Variants in PLA2G4E observed in about 807,000 individuals in gnomAD.
The protein encoded by PLA2G4E is cytosolic phospholipase A2 epsilon.
Under a neutral mutation model 109.1 loss-of-function variants are expected in PLA2G4E, and 84 were observed. The observed-to-expected ratio is 0.77, with a 90% CI of 0.65 to 0.92. PLA2G4E has a LOEUF of 0.92. Among genes scored for constraint, PLA2G4E ranks in the 40% least tolerant of loss-of-function variants. The pLI, the probability that PLA2G4E is intolerant of heterozygous loss-of-function variation, is 0.00. For missense variants in PLA2G4E, 1,057 were observed against 1,076.6 expected, an observed-to-expected ratio of 0.98 and a Z score of 0.25; for synonymous variants, 469 against 436.1, an observed-to-expected ratio of 1.08 and a Z score of -0.94.
intron 1 of PLA2G4E, among the ~76,000 whole-genome samples, chr15:42,045,465 C>T (rs938130603): frequency 6.6e-6 from 1 of 152,164 alleles, no homozygotes; most frequent in Non-Finnish European, 1.5e-5. Flanking sequence ...CAGGCAGCAC[C>T]GGCACTCCAC....
intron 15 of PLA2G4E, among the ~76,000 whole-genome samples, chr15:41,989,209 T>C (rs1410903639): frequency 1.3e-5 from 2 of 152,140 alleles, no homozygotes; most frequent in African/African-American, 4.8e-5. Context: ...CCCAGTGTGG[T>C]GCTGAGCAGG....
At chr15:42,006,574 T>A (rs1197149792) in intron 3 of PLA2G4E, among the ~76,000 whole-genome samples, 1 of 151,974 alleles carries the variant, frequency 6.6e-6, no homozygotes, top group Non-Finnish European at 1.5e-5. Flanking sequence ...CTCCAGGGAG[T>A]GATGTGGCAA....
rs576742322 is a variant in PLA2G4E, at chr15:41,987,965, G to A, written c.1831+84C>T. 9.3e-4 allele frequency: 696 copies of A among 747,384 alleles called. 3 individuals are homozygous for A. The African/African-American group carries it at 0.011, about 12-fold the overall frequency. 46.3% of individuals were successfully genotyped at this position (747,384 alleles called of 1,614,324 possible). A position where few individuals can be genotyped will look rare whatever the true frequency, so the allele number is the denominator to read the frequency against. Reference sequence around the variant, plus strand: ...CATCACCCAGCCATGAGGGAAAGCCGGGGGCCGCCCCCCATCACCCAGCCA... The same window carrying A: ...CATCACCCAGCCATGAGGGAAAGCCAGGGGCCGCCCCCCATCACCCAGCCA... On this transcript the variant is annotated intron_variant, in intron 16 of 19. Coordinates refer to ENST00000399518, the Ensembl canonical transcript of PLA2G4E.
At chr15:42,036,876 G>A (rs895802844) in intron 1 of PLA2G4E, among the ~76,000 whole-genome samples, 4 of 152,274 alleles carry the variant, frequency 2.6e-5, no homozygotes, top group Middle Eastern at 3.4e-3. Context: ...CCGACCCCCC[G>A]GCCTTGCAGG....
At chr15:41,991,688 G>A (rs560509268) in intron 13 of PLA2G4E, among the ~76,000 whole-genome samples, 196 of 152,264 alleles carry the variant, frequency 1.3e-3, no homozygotes, top group African/African-American at 4.6e-3. Flanking sequence ...TCATTCTCAG[G>A]TGCTCAAACT....
chr15:42,034,107 T>C (rs1158949383), intron 1 of PLA2G4E, among the ~76,000 whole-genome samples: 1 of 152,170 alleles, frequency 6.6e-6, no homozygotes, highest in African/African-American at 2.4e-5. Context: ...CAAAGACTCA[T>C]TTGAAAGTAA....
Position 42,037,158 on chromosome 15 carries a change from C to A in PLA2G4E, c.183+13363G>T, listed in dbSNP as rs376213251. ...TGCCCCTTGGCACCAGCAGCCTGGG[C>A]ACCATAGGTGGCAGCAGAAGGCAGA... is the stretch of plus-strand genomic sequence containing the variant. On this transcript the variant is annotated intron_variant, in intron 1 of 19. Transcript: ENST00000399518. Among the ~76,000 whole-genome samples, 53 of 152,318 alleles carry A rather than the reference C, an allele frequency of 3.5e-4. 1 individual carries two copies. In the East Asian group the frequency reaches 0.01, roughly 29 times the overall value.
At chr15:42,010,141 C>CCCCCCCG (rs2068520742) in intron 2 of PLA2G4E, 1 of 485,916 alleles carries the variant, frequency 2.1e-6, no homozygotes, top group African/African-American at 2.1e-5. Flanking sequence ...GGCCCCCCCA[C>CCCCCCCG]CCCGGGCCTG....
intron 2 of PLA2G4E, among the ~76,000 whole-genome samples, chr15:42,008,268 G>A (rs1056323198): frequency 6.6e-6 from 1 of 152,228 alleles, no homozygotes; most frequent in African/African-American, 2.4e-5. Context: ...AACCAAAGTA[G>A]GGCCAAGCAC....
chr15:42,036,971 G>C (rs1889228693), intron 1 of PLA2G4E, among the ~76,000 whole-genome samples: 1 of 152,236 alleles, frequency 6.6e-6, no homozygotes, highest in African/African-American at 2.4e-5. Context: ...GCCGAGTCCA[G>C]GTGCTGTTGC....
intron 1 of PLA2G4E, among the ~76,000 whole-genome samples, chr15:42,048,114 T>C (rs1889445970): frequency 6.6e-6 from 1 of 152,246 alleles, no homozygotes; most frequent in South Asian, 2.1e-4. Context: ...CTGTAGCCTC[T>C]CTATATTTAG....
chr15:42,010,270 C>A (rs764384136), intron 2 of PLA2G4E: 2 of 401,088 alleles, frequency 5.0e-6, no homozygotes, highest in African/African-American at 2.1e-5. Context: ...CCTGTAAGAG[C>A]CCCTTCCCTC....
intron 10 of PLA2G4E, chr15:41,998,265 G>C (rs2068373421): frequency 1.3e-5 from 2 of 152,240 alleles, no homozygotes; most frequent in African/African-American, 4.8e-5. Flanking sequence ...CAGGGCTGCA[G>C]ACATGGCTGT....
exon 4 of PLA2G4E, chr15:42,006,041 G>A: frequency 1.2e-6 from 2 of 1,613,956 alleles, no homozygotes; most frequent in Non-Finnish European, 1.7e-6. Context: ...AACAGAGCTT[G>A]GTGAGGTCAT....
In PLA2G4E at chr15:41,997,117, T is replaced by G; in HGVS notation, c.1110+7A>C. ...GGCCCAGGCTGGCCACATCCCTGATTACCCACCTCGTCCTCCTGCAGGTCT... is the reference window on the plus strand; with the variant it reads ...GGCCCAGGCTGGCCACATCCCTGATGACCCACCTCGTCCTCCTGCAGGTCT... On this transcript the variant is annotated splice_region_variant and intron_variant, in intron 11 of 19. Transcript: ENST00000399518. 6.4e-7 allele frequency: 1 copy of G among 1,561,184 alleles called. No homozygotes were observed. Among genetic ancestry groups the G allele is most frequent in the Non-Finnish European group, 8.7e-7 (1 of 1,152,552 alleles).
chr15:41,995,604 G>T, intron 11 of PLA2G4E, 108 bp from the exon 12 acceptor site: 2 of 1,439,530 alleles, frequency 1.4e-6, no homozygotes, highest in Non-Finnish European at 1.9e-6. Context: ...GGCAGAGCTG[G>T]CTACAGAGGG....
chr15:42,002,737 C>T (rs2068435153), intron 5 of PLA2G4E, 41 bp from the exon 6 acceptor site: 1 of 1,524,364 alleles, frequency 6.6e-7, no homozygotes, highest in South Asian at 1.2e-5. Flanking sequence ...TTCTAGCATT[C>T]TTGACTGGTT....
intron 3 of PLA2G4E, 70 bp downstream of exon 3, chr15:42,007,659 A>G: frequency 6.6e-7 from 1 of 1,522,668 alleles, no homozygotes. Context: ...AGAGGCAAAG[A>G]GAAGGACAAG....
At chr15:41,982,317 T>G (rs2068078354) in exon 20 of PLA2G4E, 1 of 152,224 alleles carries the variant, frequency 6.6e-6, no homozygotes. Context: ...GTTCCCAGCC[T>G]GAAGGGAGAC....
Sources: gnomAD v4.1 joint callset for allele counts (sites outside exome capture counted in the v4.1 genomes callset) on GRCh38, gnomAD v4.1.1 for gene constraint, MANE v1.5 for transcripts, NCBI Gene and HGNC (gene_info 2026-07-23, HGNC 2026-07-21) for gene names.